The following NLRP11 variants were observed in gnomAD, a reference collection of about 807,000 sequenced individuals.
NLRP11 encodes NLR family pyrin domain containing 11.
NLRP11 carries 53 observed loss-of-function variants against 79.3 expected under a neutral mutation model. The observed-to-expected ratio is 0.67, with a 90% CI of 0.54 to 0.84. The LOEUF (loss-of-function observed/expected upper bound fraction) is 0.84, where lower values mean the gene tolerates loss of function less well. Among genes scored for constraint, NLRP11 ranks in the 40% least tolerant of loss-of-function variants. The pLI is 0.00. For synonymous variants in NLRP11, 518 were observed against 462.6 expected, an observed-to-expected ratio of 1.12 and a Z score of -1.54; for missense variants, 1,264 against 1,255.0, an observed-to-expected ratio of 1.01 and a Z score of -0.11.
At chr19:55,814,835 G>T (rs1467881657) in intron 2 of NLRP11, among the ~76,000 whole-genome samples, 1 of 152,142 alleles carries the variant, frequency 6.6e-6, no homozygotes, top group Non-Finnish European at 1.5e-5. Context: ...AACCCACGGA[G>T]AACAGAAGAG....
At chr19:55,807,658 C>G (rs1266102007) in intron 4 of NLRP11, among the ~76,000 whole-genome samples, 195 bp downstream of exon 4, 3 of 152,170 alleles carry the variant, frequency 2.0e-5, no homozygotes, top group African/African-American at 4.8e-5. Context: ...ATGGCTGGGA[C>G]CTCAGATGCT....
At chr19:55,796,214 T>C (rs1265814670) in exon 6 of NLRP11, 1 of 1,613,900 alleles carries the variant, frequency 6.2e-7, no homozygotes, top group Admixed American at 1.7e-5. Context: ...AGGCGATTTC[T>C]TCACATTCGC....
chr19:55,787,464 G>C (rs1442984499), intron 9 of NLRP11, among the ~76,000 whole-genome samples: 1 of 152,132 alleles, frequency 6.6e-6, no homozygotes, highest in African/African-American at 2.4e-5. Context: ...AGCCTCCCGA[G>C]TAGCTGGGAT....
Position 55,809,683 on chromosome 19 carries a change from A to C in NLRP11, c.927T>G (p.Phe309Leu). 3 of 1,614,176 alleles carry C rather than the reference A, an allele frequency of 1.9e-6. No homozygotes were observed. The South Asian group carries it at 3.3e-5, about 18-fold the overall frequency. The change falls in exon 3 of 10, where the codon TTT becomes TTG. Residue 309 changes from phenylalanine (F) to leucine (L), a missense_variant. Physicochemically the swap from Phe to Leu is conservative, Grantham distance 22. Coordinates refer to ENST00000589093, the Ensembl canonical transcript of NLRP11. The surrounding 1 kb of genome is among the most constrained non-coding windows in gnomAD (Gnocchi z 4.5). ...TCTGGCGGTCTTTAAAGAAAGAGTT[A>C]AAATATATCTCCCTCTTCCCATTCG...
rs553973951 is a variant in NLRP11, at chr19:55,798,699, C to T, written c.2172-2449G>A. On this transcript the variant is annotated intron_variant, in intron 5 of 9. Transcript: ENST00000589093. ...AGTTAAGTCTACCCTTGTAGTAAAA[C>T]TGATATATCAAAAAATAAAGCTATG... is the stretch of plus-strand genomic sequence containing the variant. Among the ~76,000 whole-genome samples the T allele has an allele frequency of 6.3e-4, 96 of 151,866 alleles. 1 individual carries two copies. In the South Asian group the frequency reaches 0.01, roughly 16 times the overall value.
rs778153380 is a variant in NLRP11 at position 55,809,626 on chromosome 19, C to T, written c.984G>A (p.Glu328=). 2 of 1,614,214 alleles carry T rather than the reference C, an allele frequency of 1.2e-6. No individual in the cohort carries two copies. Among genetic ancestry groups the T allele is most frequent in the Non-Finnish European group, 1.7e-6 (2 of 1,180,030 alleles). The change falls in exon 3 of 10, where the codon GAG becomes GAA. Residue 328 remains glutamate, a synonymous_variant. Coordinates refer to ENST00000589093, the Ensembl canonical transcript of NLRP11. The surrounding 1 kb of genome is among the most constrained non-coding windows in gnomAD (Gnocchi z 4.5). ...GGCACAGACCCACGAGTATTTCATC[C>T]TCATGTACAAGCTGGAGGGCTGCCG...
intron 9 of NLRP11, among the ~76,000 whole-genome samples, chr19:55,788,466 C>T (rs186433804): frequency 4.8e-4 from 73 of 150,874 alleles, no homozygotes; most frequent in African/African-American, 1.6e-3. Flanking sequence ...CACAGCCAGG[C>T]GCGGTGGCTC....
intron 7 of NLRP11, among the ~76,000 whole-genome samples, chr19:55,790,749 C>A (rs1990188045): frequency 6.6e-6 from 1 of 152,188 alleles, no homozygotes; most frequent in Non-Finnish European, 1.5e-5. Context: ...ATCACTTGAG[C>A]CCAGCAGTCT....
chr19:55,822,694 G>A (rs536995620), intron 1 of NLRP11, among the ~76,000 whole-genome samples: 1 of 152,274 alleles, frequency 6.6e-6, no homozygotes, highest in Non-Finnish European at 1.5e-5. Context: ...CGAATACTGC[G>A]CTTTTCTGAC....
chr19:55,812,347 G>A (rs1175409025), intron 2 of NLRP11, among the ~76,000 whole-genome samples: 2 of 152,130 alleles, frequency 1.3e-5, no homozygotes, highest in South Asian at 2.1e-4. Flanking sequence ...GGATGAGGGG[G>A]CACCAGCACA....
intron 2 of NLRP11, 35 bp downstream of exon 2, chr19:55,817,869 T>C (rs1336792816): frequency 2.6e-6 from 4 of 1,542,730 alleles, no homozygotes; most frequent in Non-Finnish European, 3.5e-6. Context: ...TGAAGTGCCC[T>C]GATTTCTGCC....
chr19:55,794,571 T>C (rs887649969), intron 6 of NLRP11, among the ~76,000 whole-genome samples: 35 of 152,098 alleles, frequency 2.3e-4, no homozygotes, highest in Non-Finnish European at 7.4e-5. Flanking sequence ...CCATCCTGGC[T>C]GACACGGTGA....
In NLRP11 at chr19:55,817,654, C is replaced by T. The variant is rs559514362; in HGVS notation, c.271+250G>A. 1.4e-4 allele frequency among the ~76,000 whole-genome samples: 21 copies of T among 152,194 alleles called. 1 individual carries two copies. The highest frequency in any genetic ancestry group is 5.1e-4 in the African/African-American group (21 of 41,542). Reference sequence around the variant, plus strand: ...AAAGGCATAAGAATGATACATTGGACTACAGGGACTCGGCGGGAAGTGTGA... The same window carrying T: ...AAAGGCATAAGAATGATACATTGGATTACAGGGACTCGGCGGGAAGTGTGA... On this transcript the variant is annotated intron_variant, in intron 2 of 9. Transcript: ENST00000589093.
chr19:55,796,740 G>A (rs919690644), intron 5 of NLRP11, among the ~76,000 whole-genome samples: 14 of 151,386 alleles, frequency 9.2e-5, no homozygotes, highest in Admixed American at 5.3e-4. Flanking sequence ...AGGCTGGAGT[G>A]CAATGGTGCG....
At chr19:55,785,597 TAATA>T (rs752753934) in exon 10 of NLRP11, 5 of 1,585,844 alleles carry the variant, frequency 3.2e-6, no homozygotes, top group Non-Finnish European at 4.3e-6. Context: ...TAGTAATTTA[TAATA>T]AATACTGTTT....
chr19:55,789,976 G>A (rs1056570449), intron 7 of NLRP11, among the ~76,000 whole-genome samples: 5 of 151,984 alleles, frequency 3.3e-5, no homozygotes, highest in Non-Finnish European at 1.5e-5. Context: ...GCCTCACCAC[G>A]TTGGCCTTCG....
intron 9 of NLRP11, among the ~76,000 whole-genome samples, chr19:55,787,592 C>T (rs981390223): frequency 6.6e-6 from 1 of 152,214 alleles, no homozygotes; most frequent in East Asian, 1.9e-4. Context: ...CCGCCTTAGC[C>T]TTCCAAAGTG....
chr19:55,808,295 T>A (rs1980206339), intron 3 of NLRP11, among the ~76,000 whole-genome samples: 1 of 152,256 alleles, frequency 6.6e-6, no homozygotes. Context: ...CAATGTTGCA[T>A]GTTTTGTGCT....
intron 8 of NLRP11, 25 bp from the exon 9 acceptor site, chr19:55,789,002 G>C (rs751316008): frequency 1.2e-6 from 2 of 1,612,830 alleles, no homozygotes; most frequent in Non-Finnish European, 1.7e-6. Context: ...CACAGGTAAG[G>C]TGGGGCCAAA....
Sources: allele counts gnomAD v4.1 joint callset (sites outside exome capture counted in the v4.1 genomes callset), GRCh38; gene constraint gnomAD v4.1.1; non-coding constraint Gnocchi (gnomAD v3.1); transcripts MANE v1.5; gene names NCBI Gene and HGNC (gene_info 2026-07-23, HGNC 2026-07-21).